Variants in PCDH17 observed in about 807,000 individuals in gnomAD.
PCDH17 encodes protocadherin 17.
Under a neutral mutation model 67.7 loss-of-function variants are expected in PCDH17, and 21 were observed. The ratio of observed to expected loss-of-function variants is 0.31; its 90% CI spans 0.22 to 0.45. The LOEUF (loss-of-function observed/expected upper bound fraction) is 0.45, where lower values mean the gene tolerates loss of function less well. Ranked by LOEUF, PCDH17 falls within the 20% of genes least tolerant of loss-of-function variation. The pLI is 1.00. For synonymous variants in PCDH17, 701 were observed against 656.7 expected (o/e 1.07, Z -1.03); for missense variants, 1,471 against 1,564.8 (o/e 0.94, Z 1.01).
chr13:57,630,276 A>G (rs74079908), upstream of PCDH17, among the ~76,000 whole-genome samples: 167 of 152,028 alleles, frequency 1.1e-3, no homozygotes, highest in African/African-American at 3.9e-3. Flanking sequence ...TGAAATCCGC[A>G]TATCTTTCTC....
intron 3 of PCDH17, among the ~76,000 whole-genome samples, chr13:57,709,409 AC>A (rs1204546814): frequency 6.6e-6 from 1 of 151,618 alleles, no homozygotes; most frequent in Non-Finnish European, 1.5e-5. Flanking sequence ...TCTTCCATGG[AC>A]CTAGGAATAC....
chr13:57,682,838 A>G (rs1434336720), intron 3 of PCDH17, among the ~76,000 whole-genome samples: 6 of 151,890 alleles, frequency 4.0e-5, no homozygotes, highest in African/African-American at 1.2e-4. Flanking sequence ...GGTAAATGAC[A>G]TGATATCAAA....
chr13:57,705,510 T>C (rs979162686), intron 3 of PCDH17, among the ~76,000 whole-genome samples: 2 of 152,086 alleles, frequency 1.3e-5, no homozygotes, highest in African/African-American at 4.8e-5. Flanking sequence ...CAGAAGAAGA[T>C]CTCTTTTGAT....
intron 3 of PCDH17, among the ~76,000 whole-genome samples, chr13:57,700,459 C>T (rs1354776453): frequency 2.0e-5 from 3 of 151,974 alleles, no homozygotes; most frequent in African/African-American, 4.8e-5. Flanking sequence ...GCTGGGACTA[C>T]AGGCGCGTGC....
intron 3 of PCDH17, among the ~76,000 whole-genome samples, chr13:57,668,511 GA>G: frequency 6.6e-6 from 1 of 152,172 alleles, no homozygotes; most frequent in South Asian, 2.1e-4. Flanking sequence ...GTATTTGACA[GA>G]AGTGAATTTT....
intron 1 of PCDH17, among the ~76,000 whole-genome samples, chr13:57,641,576 AAAAAAAAAAAAATATATATATATATAT>A (rs1269170053): frequency 6.5e-4 from 53 of 81,554 alleles, no homozygotes; most frequent in South Asian, 1.3e-3. Context: ...AAAAAAAAAA[AAAAAAAAAAAAATATATATATATATAT>A]ATATATATAT....
intron 1 of PCDH17, among the ~76,000 whole-genome samples, chr13:57,654,212 A>T (rs1277576098): frequency 6.6e-6 from 1 of 152,120 alleles, no homozygotes; most frequent in Non-Finnish European, 1.5e-5. Flanking sequence ...AAATATTTTA[A>T]ACTTTGTGGT....
intron 1 of PCDH17, among the ~76,000 whole-genome samples, chr13:57,643,058 A>G (rs899587154): frequency 1.3e-5 from 2 of 151,588 alleles, no homozygotes; most frequent in Non-Finnish European, 3.0e-5. Flanking sequence ...TTAGCAGTGT[A>G]TACTGAGATT....
Position 57,666,783 on chromosome 13 carries a change from A to C in PCDH17, c.2747A>C (p.Glu916Ala). 6.2e-7 allele frequency: 1 copy of C among 1,612,944 alleles called. No individual in the cohort carries two copies. The highest frequency in any genetic ancestry group is 2.2e-5 in the East Asian group (1 of 44,846). ...TCCTGCTGTGACATGTCTGTTAGGG[A>C]GGCACTCAAGATGAAAACTACTTCA... ...KGSCCDMSVR[E>A]ALKMKTTSTK... The change falls in exon 3 of 4, where the codon GAG becomes GCG. Residue 916 changes from glutamate to alanine, a missense_variant. By Grantham distance (107) the Glu-to-Ala change is moderately radical. This residue lies in a region of PCDH17 where 297 missense variants were observed against 298.6 expected (regional missense o/e 0.99). Transcript: ENST00000377918.
rs763043585 is a variant in PCDH17 at position 57,666,721 on chromosome 13, T to C, written c.2685T>C (p.Ser895=). 19 of 1,613,814 alleles carry C rather than the reference T, an allele frequency of 1.2e-5. No individual in the cohort carries two copies. ...TGAGAGACAGTGGGCACGGGGACAG[T>C]GATCAGGCTGACAGTGACCAAGACA... The part of the protein sequence containing the change: ...ASLRDSGHGD[S]DQADSDQDTN... The change falls in exon 3 of 4, where the codon AGT becomes AGC. Residue 895 remains serine, a synonymous_variant. Transcript: ENST00000377918.
intron 1 of PCDH17, among the ~76,000 whole-genome samples, chr13:57,636,223 G>T (rs1954820918): frequency 6.6e-6 from 1 of 152,048 alleles, no homozygotes; most frequent in Non-Finnish European, 1.5e-5. Flanking sequence ...ATAATTGTAT[G>T]TTGCAACAAA....
In PCDH17 at chr13:57,724,624, G is replaced by A. The variant is rs1593954750; in HGVS notation, c.2810G>A (p.Cys937Tyr). 5.6e-6 allele frequency: 9 copies of A among 1,610,630 alleles called. No individual in the cohort carries two copies. Among genetic ancestry groups the A allele is most frequent in the Non-Finnish European group, 7.6e-6 (9 of 1,177,126 alleles). The change falls in exon 4 of 4, where the codon TGT becomes TAT. Residue 937 changes from cysteine (C) to tyrosine (Y), a missense_variant. Transcript: ENST00000377918. ...TTTTGTTTTGCAGAACCAGAAGAGTGTGTTAATTGCACAGATGAATGCCGA... is the reference window on the plus strand; with the variant it reads ...TTTTGTTTTGCAGAACCAGAAGAGTATGTTAATTGCACAGATGAATGCCGA... Reference protein sequence around the residue: ...SQPLEQEPEECVNCTDECRVL... With the variant: ...SQPLEQEPEEYVNCTDECRVL...
chr13:57,694,616 A>G (rs1955589556), intron 3 of PCDH17, among the ~76,000 whole-genome samples: 1 of 151,302 alleles, frequency 6.6e-6, no homozygotes. Context: ...TTGCTAAAAT[A>G]AACTATAAAA....
intron 3 of PCDH17, among the ~76,000 whole-genome samples, chr13:57,687,994 T>G (rs1029355123): frequency 5.3e-5 from 8 of 152,040 alleles, no homozygotes; most frequent in Admixed American, 5.3e-4. Flanking sequence ...GACTGTCAAT[T>G]TGTAACACTT....
intron 1 of PCDH17, among the ~76,000 whole-genome samples, chr13:57,660,847 G>A (rs956553016): frequency 3.9e-5 from 6 of 152,140 alleles, no homozygotes; most frequent in Non-Finnish European, 7.4e-5. Flanking sequence ...CATTCGGGTT[G>A]TTACAACAGT....
At chr13:57,647,493 T>C (rs1472081359) in intron 1 of PCDH17, among the ~76,000 whole-genome samples, 1 of 151,802 alleles carries the variant, frequency 6.6e-6, no homozygotes, top group Non-Finnish European at 1.5e-5. Flanking sequence ...TGATAAGGCA[T>C]GGTGATATTT....
chr13:57,702,804 T>C (rs1379565910), intron 3 of PCDH17, among the ~76,000 whole-genome samples: 1 of 152,152 alleles, frequency 6.6e-6, no homozygotes, highest in African/African-American at 2.4e-5. Flanking sequence ...CCTGCTCTTA[T>C]TGTCTTTGTC....
Position 57,635,057 on chromosome 13 carries a change from C to T in PCDH17, c.2511C>T (p.Thr837=). The change falls in exon 1 of 4, where the codon ACC becomes ACT. Residue 837 remains threonine, a synonymous_variant. Transcript: ENST00000377918. ...QGHAGCHTSF[T]GQGTNASETP... is the part of the protein sequence containing the mutation. ...ACGCGGGCTGCCACACCAGCTTCAC[C>T]GGACAAGGGACTAATGCAAGCGAGA... 3.7e-6 allele frequency: 6 copies of T among 1,613,686 alleles called. No individual in the cohort carries two copies. The highest frequency in any genetic ancestry group is 1.1e-5 in the South Asian group (1 of 91,072).
At position 57,633,600 on chromosome 13, in the gene PCDH17, G is replaced by C. The variant is rs749930324; in HGVS notation, c.1054G>C (p.Gly352Arg). The part of the protein sequence containing the change: ...IDRNDNAPSI[G>R]FVSVRQGALS... ...CCGCAACGACAATGCGCCGTCCATC[G>C]GTTTCGTCTCCGTGCGCCAGGGGGC... Residue 352 changes from glycine to arginine, a missense_variant, in exon 1 of 4, where the codon GGT (glycine) becomes CGT (arginine). Physicochemically the swap from Gly to Arg is moderately radical, Grantham distance 125. This residue lies in a region of PCDH17 where 1,163 missense variants were observed against 1,230.0 expected (regional missense o/e 0.95). Transcript: ENST00000377918. This position sits in a 1 kb window ranked among gnomAD's most constrained non-coding sequence, Gnocchi z 6.2. The C allele has an allele frequency of 1.7e-5, 27 of 1,612,486 alleles. No homozygotes were observed. Among genetic ancestry groups the C allele is most frequent in the Non-Finnish European group, 2.3e-5 (27 of 1,180,042 alleles).
Sources: gnomAD v4.1 joint callset for allele counts (sites outside exome capture counted in the v4.1 genomes callset) on GRCh38, gnomAD v4.1.1 for gene constraint, gnomAD v4.1.1 regional missense constraint, Gnocchi (gnomAD v3.1) non-coding constraint, MANE v1.5 for transcripts, NCBI Gene and HGNC (gene_info 2026-07-23, HGNC 2026-07-21) for gene names.